Variants in IMMP2L observed in about 807,000 individuals in gnomAD.
IMMP2L encodes inner mitochondrial membrane peptidase subunit 2, also known as mitochondrial inner membrane protease subunit 2.
In IMMP2L, 18 loss-of-function variants were observed where a neutral mutation model predicts 19.3. That is an observed-to-expected ratio of 0.93 (90% CI 0.64 to 1.38). IMMP2L has a LOEUF of 1.38. Among genes scored for constraint, IMMP2L ranks in the 40% most tolerant of loss-of-function variants. The probability of loss-of-function intolerance (pLI) is 0.00; values close to 1 mark genes in which losing one functional copy is unlikely to be tolerated. For missense variants in IMMP2L, 233 were observed against 218.2 expected, an observed-to-expected ratio of 1.07 and a Z score of -0.43; for synonymous variants, 76 against 73.0, an observed-to-expected ratio of 1.04 and a Z score of -0.21.
intron 3 of IMMP2L, among the ~76,000 whole-genome samples, chr7:111,447,856 G>C (rs1162139382): frequency 2.6e-5 from 4 of 151,588 alleles, no homozygotes; most frequent in Non-Finnish European, 5.9e-5. Context: ...TAAAAGGATG[G>C]AAGAAGATCT....
chr7:110,766,879 A>G (rs151143689), intron 5 of IMMP2L, among the ~76,000 whole-genome samples: 3 of 152,278 alleles, frequency 2.0e-5, no homozygotes, highest in East Asian at 3.9e-4. Flanking sequence ...GCAATTAAGT[A>G]TTCAAGGGTG....
chr7:110,955,507 C>T (rs1155499), intron 4 of IMMP2L, among the ~76,000 whole-genome samples: 151,282 of 151,712 alleles, frequency 1, 75,428 homozygotes, highest in Middle Eastern at 1. Flanking sequence ...ACAGCAGCAT[C>T]GGTCAGACCC....
intron 3 of IMMP2L, among the ~76,000 whole-genome samples, chr7:111,415,396 A>G (rs1414635983): frequency 6.6e-6 from 1 of 151,738 alleles, no homozygotes; most frequent in Non-Finnish European, 1.5e-5. Context: ...TGAGCACAAA[A>G]TTCAGCTATG....
Position 111,504,647 on chromosome 7 carries a change from G to C in IMMP2L, c.135+16666C>G, listed in dbSNP as rs545383446. Among the ~76,000 whole-genome samples the C allele has an allele frequency of 2.9e-3, 449 of 152,236 alleles. 6 individuals carry two copies. The South Asian group carries it at 0.04, about 14-fold the overall frequency. ...AGATATAGATTAATGGAACAGAACA[G>C]AGCCCTCAGAAATAATGCCGCATAT... On this transcript the variant is annotated intron_variant, in intron 2 of 5. Transcript: ENST00000405709.
chr7:110,763,370 C>T (rs1247095071), intron 5 of IMMP2L, among the ~76,000 whole-genome samples: 1 of 152,128 alleles, frequency 6.6e-6, no homozygotes, highest in Non-Finnish European at 1.5e-5. Flanking sequence ...CATTCATTCA[C>T]TTATTCAGCA....
chr7:111,477,705 C>G (rs1441584601), intron 3 of IMMP2L, among the ~76,000 whole-genome samples: 1 of 151,946 alleles, frequency 6.6e-6, no homozygotes, highest in Non-Finnish European at 1.5e-5. Flanking sequence ...TCAAGACCAG[C>G]CTGACCAACA....
At chr7:111,535,071 A>G (rs1847760188) in intron 1 of IMMP2L, among the ~76,000 whole-genome samples, 1 of 152,022 alleles carries the variant, frequency 6.6e-6, no homozygotes, top group African/African-American at 2.4e-5. Context: ...GACAACTTCT[A>G]TTTTCTCAGC....
In IMMP2L at chr7:110,824,449, A is replaced by T. The variant is rs183073093; in HGVS notation, c.408+62144T>A. ...TATTTTTAATGTTTGCAAAATATATATGAATTCCCCAGGCTCAAGAGATCC... is the reference window on the plus strand; with the variant it reads ...TATTTTTAATGTTTGCAAAATATATTTGAATTCCCCAGGCTCAAGAGATCC... On this transcript the variant is annotated intron_variant, in intron 5 of 5. Coordinates refer to ENST00000405709, the MANE Select transcript of IMMP2L (RefSeq NM_032549.4). Among the ~76,000 whole-genome samples the T allele has an allele frequency of 1.6e-3, 246 of 152,272 alleles. 1 individual carries two copies. The highest frequency in any genetic ancestry group is 5.7e-3 in the African/African-American group (236 of 41,576).
At chr7:111,451,262 C>A (rs1158568536) in intron 3 of IMMP2L, among the ~76,000 whole-genome samples, 1 of 148,648 alleles carries the variant, frequency 6.7e-6, no homozygotes. Context: ...CACATGCACA[C>A]GTATGTTTAT....
At chr7:110,881,869 G>C (rs1275355519) in intron 5 of IMMP2L, among the ~76,000 whole-genome samples, 1 of 152,096 alleles carries the variant, frequency 6.6e-6, no homozygotes, top group East Asian at 1.9e-4. Context: ...TGTAATGCAG[G>C]ATTTTTACCA....
At chr7:110,809,709 G>C (rs1801894659) in intron 5 of IMMP2L, among the ~76,000 whole-genome samples, 1 of 151,950 alleles carries the variant, frequency 6.6e-6, no homozygotes, top group Non-Finnish European at 1.5e-5. Flanking sequence ...TTCAAAACCT[G>C]AAATAAACAA....
intron 5 of IMMP2L, among the ~76,000 whole-genome samples, chr7:110,863,609 T>G (rs145622344): frequency 6.6e-6 from 1 of 152,202 alleles, no homozygotes; most frequent in African/African-American, 2.4e-5. Flanking sequence ...CTCTCAATAG[T>G]GGCAATGAGC....
chr7:111,437,100 A>G (rs1424335592), intron 3 of IMMP2L, among the ~76,000 whole-genome samples: 1 of 151,818 alleles, frequency 6.6e-6, no homozygotes, highest in Non-Finnish European at 1.5e-5. Flanking sequence ...CAAACTGTAT[A>G]TAACGCACTT....
chr7:111,490,894 T>A (rs1239908103), intron 2 of IMMP2L, among the ~76,000 whole-genome samples: 2 of 152,146 alleles, frequency 1.3e-5, no homozygotes, highest in Non-Finnish European at 2.9e-5. Flanking sequence ...TAGTTGACCC[T>A]TGAATAACAC....
chr7:110,882,359 C>G (rs1445131444), intron 5 of IMMP2L, among the ~76,000 whole-genome samples: 1 of 135,070 alleles, frequency 7.4e-6, no homozygotes, highest in Non-Finnish European at 1.6e-5. Flanking sequence ...CTCTCTCCCT[C>G]TCTCTCTCTC....
At chr7:110,935,402 C>T (rs796605013) in intron 4 of IMMP2L, among the ~76,000 whole-genome samples, 9 of 148,746 alleles carry the variant, frequency 6.1e-5, no homozygotes, top group African/African-American at 1.8e-4. Flanking sequence ...GTGAGTAACC[C>T]GACCTTTCTC....
At chr7:111,007,573 C>A (rs990214628) in intron 3 of IMMP2L, among the ~76,000 whole-genome samples, 1 of 152,074 alleles carries the variant, frequency 6.6e-6, no homozygotes, top group Non-Finnish European at 1.5e-5. Context: ...AGGGCTCAGA[C>A]CTCACACTTT....
At chr7:111,200,747 T>C (rs1810015245) in intron 3 of IMMP2L, among the ~76,000 whole-genome samples, 1 of 152,092 alleles carries the variant, frequency 6.6e-6, no homozygotes, top group African/African-American at 2.4e-5. Context: ...AACTCTGCCC[T>C]GGCAGAGAAA....
In IMMP2L at chr7:111,123,742, T is replaced by C. The variant is rs768339168; in HGVS notation, c.240-160177A>G. 1 of 1,613,982 alleles carries C rather than the reference T, an allele frequency of 6.2e-7. No individual in the cohort carries two copies. The highest frequency in any genetic ancestry group is 1.1e-5 in the South Asian group (1 of 91,080). On this transcript the variant is annotated intron_variant, in intron 3 of 5. Coordinates refer to ENST00000405709, the MANE Select transcript of IMMP2L (RefSeq NM_032549.4). This position sits in a 1 kb window ranked among gnomAD's most constrained non-coding sequence, Gnocchi z 6.4. ...AGCTACTAACAACCCTAGATTGTCT[T>C]ACATTCACCCCAATGCATTTTTCAG...
Sources: gnomAD v4.1 joint callset for allele counts (sites outside exome capture counted in the v4.1 genomes callset) on GRCh38, gnomAD v4.1.1 for gene constraint, Gnocchi (gnomAD v3.1) non-coding constraint, MANE v1.5 for transcripts, NCBI Gene and HGNC (gene_info 2026-07-23, HGNC 2026-07-21) for gene names.